The following NELL1 variants were observed in gnomAD, a reference collection of about 807,000 sequenced individuals.
NELL1 encodes the protein protein kinase C-binding protein NELL1.
A neutral mutation model predicts 107.4 loss-of-function variants in NELL1; 76 were observed. The ratio of observed to expected loss-of-function variants is 0.71; its 90% CI spans 0.59 to 0.86. The LOEUF is 0.86. Among genes scored for constraint, NELL1 ranks in the 40% least tolerant of loss-of-function variants. NELL1 has a pLI of 0.00. For missense variants in NELL1, 1,024 were observed against 1,005.5 expected (o/e 1.02, Z -0.25); for synonymous variants, 353 against 341.2 (o/e 1.03, Z -0.38).
intron 12 of NELL1, among the ~76,000 whole-genome samples, chr11:20,964,267 C>T (rs1851346907): frequency 6.6e-6 from 1 of 152,076 alleles, no homozygotes; most frequent in Non-Finnish European, 1.5e-5. Flanking sequence ...AGGGGCCCTA[C>T]TCATGATCTT....
chr11:20,755,923 C>T (rs1484448111), intron 2 of NELL1, among the ~76,000 whole-genome samples: 5 of 139,244 alleles, frequency 3.6e-5, no homozygotes, highest in Middle Eastern at 3.6e-3. Flanking sequence ...GACGGAGTCT[C>T]GCTCTGTCTC....
intron 12 of NELL1, among the ~76,000 whole-genome samples, chr11:20,989,996 CA>C (rs35612589): frequency 3.1e-3 from 361 of 114,790 alleles, no homozygotes; most frequent in African/African-American, 5.0e-3. Context: ...GACTCCGTCT[CA>C]AAAAAAAAAA....
intron 2 of NELL1, among the ~76,000 whole-genome samples, chr11:20,728,898 G>A (rs1039700076): frequency 1.3e-5 from 2 of 152,160 alleles, no homozygotes; most frequent in African/African-American, 4.8e-5. Context: ...GCTCTGGGCA[G>A]TATGGCCATG....
rs969463660 is a variant in NELL1, at chr11:20,669,950, A to ACT, written c.55+174_55+175dup. Among the ~76,000 whole-genome samples, 1 of 151,668 alleles carries ACT rather than the reference A, an allele frequency of 6.6e-6. No homozygotes were observed. The highest frequency in any genetic ancestry group is 2.4e-5 in the African/African-American group (1 of 41,268). ...TCGGAGTGACAGGGTGAAAATAGGG[A>ACT]CTCACGGGCTTGAAGATGTCCCCGT... is the stretch of plus-strand genomic sequence containing the variant. On this transcript the variant is annotated intron_variant, in intron 1 of 19. Transcript: ENST00000357134. This position sits in a 1 kb window ranked among gnomAD's most constrained non-coding sequence, Gnocchi z 4.4.
intron 14 of NELL1, among the ~76,000 whole-genome samples, chr11:21,275,968 G>A (rs1374082447): frequency 6.6e-6 from 1 of 152,118 alleles, no homozygotes; most frequent in Non-Finnish European, 1.5e-5. Flanking sequence ...AAAACTGGAA[G>A]CATTCCCTTT....
At chr11:21,351,406 C>A (rs1850812173) in intron 14 of NELL1, among the ~76,000 whole-genome samples, 1 of 151,638 alleles carries the variant, frequency 6.6e-6, no homozygotes, top group South Asian at 2.1e-4. Flanking sequence ...CCTCCCAGTT[C>A]AGGGAACATT....
chr11:21,113,417 A>G (rs991472820), intron 12 of NELL1, among the ~76,000 whole-genome samples, 172 bp from the exon 13 acceptor site: 1 of 151,960 alleles, frequency 6.6e-6, no homozygotes, highest in Non-Finnish European at 1.5e-5. Context: ...TCAGCTCAGG[A>G]TGGGATCTAA....
At chr11:20,675,367 G>A (rs1308676465) in intron 1 of NELL1, among the ~76,000 whole-genome samples, 4 of 152,146 alleles carry the variant, frequency 2.6e-5, no homozygotes, top group African/African-American at 9.7e-5. Context: ...AGTTTCCTGG[G>A]CTTGCATGTC....
rs1849023195 is a variant in NELL1, at chr11:21,282,616, G to A, written c.1549+53162G>A. On this transcript the variant is annotated intron_variant, in intron 14 of 19. Transcript: ENST00000357134. The stretch of plus-strand genomic sequence containing the variant: ...GACCACTATGGAGAACAGTTTGGAA[G>A]TTCCTCAGAAAACTGAAAATAGAGC... 3.3e-5 allele frequency among the ~76,000 whole-genome samples: 5 copies of A among 152,218 alleles called. No individual in the cohort carries two copies. In the South Asian group the frequency reaches 1.0e-3, roughly 32 times the overall value.
rs113447235 is a variant in NELL1, at chr11:21,013,363, G to A, written c.1300+52803G>A. On this transcript the variant is annotated intron_variant, in intron 12 of 19. Coordinates refer to ENST00000357134, the MANE Select transcript of NELL1 (RefSeq NM_006157.5). Reference sequence around the variant, plus strand: ...CAGGGTATAGGAAATAGTGCTCCAGGAAGATTAGAGCTGCTTGGAGATGGT... The same window carrying A: ...CAGGGTATAGGAAATAGTGCTCCAGAAAGATTAGAGCTGCTTGGAGATGGT... 3.8e-3 allele frequency among the ~76,000 whole-genome samples: 580 copies of A among 152,228 alleles called. 1 individual carries two copies. The highest frequency in any genetic ancestry group is 0.012 in the African/African-American group (517 of 41,554).
intron 1 of NELL1, among the ~76,000 whole-genome samples, chr11:20,673,542 T>A (rs1853973264): frequency 6.6e-6 from 1 of 152,220 alleles, no homozygotes; most frequent in Non-Finnish European, 1.5e-5. Context: ...CTGAGTGGGC[T>A]GTGGGCCCGA....
At chr11:20,697,992 A>C (rs536522630) in intron 2 of NELL1, among the ~76,000 whole-genome samples, 1 of 152,130 alleles carries the variant, frequency 6.6e-6, no homozygotes, top group South Asian at 2.1e-4. Flanking sequence ...CCTGCCACCC[A>C]CTGTTGCCCA....
intron 13 of NELL1, among the ~76,000 whole-genome samples, chr11:21,115,339 C>T (rs1590650948): frequency 9.4e-6 from 1 of 106,054 alleles, no homozygotes; most frequent in African/African-American, 3.0e-5. Flanking sequence ...CAAACACACA[C>T]ACACACACAC....
chr11:20,748,893 C>T (rs1212893472), intron 2 of NELL1, among the ~76,000 whole-genome samples: 2 of 148,516 alleles, frequency 1.3e-5, no homozygotes, highest in Non-Finnish European at 3.0e-5. Flanking sequence ...TCCATCCATC[C>T]ATCCATCCAC....
At chr11:21,182,474 T>C (rs1046731654) in intron 13 of NELL1, among the ~76,000 whole-genome samples, 2 of 150,538 alleles carry the variant, frequency 1.3e-5, no homozygotes, top group Admixed American at 6.6e-5. Context: ...ATGGGCTCCA[T>C]TGAACTTTGT....
At chr11:21,298,177 T>A (rs1014705789) in intron 14 of NELL1, among the ~76,000 whole-genome samples, 7 of 152,050 alleles carry the variant, frequency 4.6e-5, no homozygotes, top group East Asian at 1.9e-4. Flanking sequence ...TTTACATTGG[T>A]TAATTAACCT....
intron 4 of NELL1, among the ~76,000 whole-genome samples, chr11:20,852,895 A>T (rs1173381653): frequency 6.6e-6 from 1 of 152,220 alleles, no homozygotes; most frequent in Non-Finnish European, 1.5e-5. Context: ...GTAACAGCAC[A>T]AGGTAAGAGA....
chr11:20,877,520 A>G (rs1849326167), intron 4 of NELL1, among the ~76,000 whole-genome samples: 2 of 152,220 alleles, frequency 1.3e-5, no homozygotes, highest in Non-Finnish European at 2.9e-5. Context: ...TGAGGGTTTT[A>G]TCTATTAATG....
intron 13 of NELL1, among the ~76,000 whole-genome samples, chr11:21,210,096 A>G (rs913419737): frequency 9.9e-5 from 15 of 152,182 alleles, no homozygotes; most frequent in African/African-American, 3.4e-4. Context: ...ATAGTATTCA[A>G]TTGCATGGAT....
Sources: gnomAD v4.1 joint callset for allele counts (sites outside exome capture counted in the v4.1 genomes callset) on GRCh38, gnomAD v4.1.1 for gene constraint, Gnocchi (gnomAD v3.1) non-coding constraint, MANE v1.5 for transcripts, NCBI Gene and HGNC (gene_info 2026-07-23, HGNC 2026-07-21) for gene names.